The following PSME4 variants were observed in gnomAD, a reference collection of about 807,000 sequenced individuals.
The protein encoded by PSME4 is proteasome activator complex subunit 4.
Under a neutral mutation model 253.9 loss-of-function variants are expected in PSME4, and 89 were observed. That is an observed-to-expected ratio of 0.35 (90% CI 0.30 to 0.42). PSME4 has a LOEUF of 0.42. Ranked by LOEUF, PSME4 falls within the 10% of genes least tolerant of loss-of-function variation. The pLI, the probability that PSME4 is intolerant of heterozygous loss-of-function variation, is 1.00. For synonymous variants in PSME4, 851 were observed against 759.2 expected (o/e 1.12, Z -1.99); for missense variants, 2,014 against 2,195.2 (o/e 0.92, Z 1.65).
At chr2:53,952,998 A>C (rs1168791757) in intron 1 of PSME4, among the ~76,000 whole-genome samples, 1 of 152,222 alleles carries the variant, frequency 6.6e-6, no homozygotes, top group Non-Finnish European at 1.5e-5. Flanking sequence ...ACATAAAATT[A>C]ACAAAGCTCA....
At chr2:53,932,196 A>T (rs189597250) in intron 9 of PSME4, 96 bp from the exon 10 acceptor site, 2 of 1,157,978 alleles carry the variant, frequency 1.7e-6, no homozygotes, top group African/African-American at 3.1e-5. Flanking sequence ...GATTTTAAAA[A>T]TAACAGTTCT....
chr2:53,873,130 C>G (rs1241647393), intron 43 of PSME4, among the ~76,000 whole-genome samples: 1 of 151,070 alleles, frequency 6.6e-6, no homozygotes, highest in Admixed American at 6.6e-5. Flanking sequence ...GTCCCAGCTA[C>G]TTGGGATGGC....
intron 41 of PSME4, among the ~76,000 whole-genome samples, chr2:53,883,274 A>C (rs1679479776): frequency 6.6e-6 from 1 of 152,178 alleles, no homozygotes; most frequent in Non-Finnish European, 1.5e-5. Flanking sequence ...AGCACTTTGG[A>C]AGGCTACGGT....
intron 34 of PSME4, among the ~76,000 whole-genome samples, chr2:53,894,744 C>A (rs1165778245): frequency 6.6e-6 from 1 of 152,122 alleles, no homozygotes; most frequent in Non-Finnish European, 1.5e-5. Flanking sequence ...AAATGAGCAG[C>A]AAATTACATA....
chr2:53,928,646 C>T (rs538416906), intron 10 of PSME4, among the ~76,000 whole-genome samples: 27 of 152,196 alleles, frequency 1.8e-4, no homozygotes, highest in African/African-American at 6.3e-4. Context: ...ATTAAACTAT[C>T]ACAGGTATGC....
chr2:53,943,875 A>G (rs1669576839), intron 3 of PSME4, among the ~76,000 whole-genome samples: 1 of 151,806 alleles, frequency 6.6e-6, no homozygotes, highest in African/African-American at 2.4e-5. Context: ...AAAGGTATAA[A>G]TAATAAGTAT....
At chr2:53,917,574 C>T (rs1668115890) in intron 20 of PSME4, among the ~76,000 whole-genome samples, 2 of 152,224 alleles carry the variant, frequency 1.3e-5, no homozygotes, top group African/African-American at 4.8e-5. Flanking sequence ...AATGATTACT[C>T]AGTACTAAAA....
chr2:53,922,603 T>A lies in PSME4; in HGVS notation c.1979-19A>T. ...TCATCATCTAAAAACAGCAAAATAC[T>A]ATTAGGGGGAAAAACCTATGCATTC... On this transcript the variant is annotated intron_variant, in intron 16 of 46. Transcript: ENST00000404125. 1 of 1,607,068 alleles carries A rather than the reference T, an allele frequency of 6.2e-7. No homozygotes were observed. Among genetic ancestry groups the A allele is most frequent in the Non-Finnish European group, 8.5e-7 (1 of 1,177,354 alleles).
Position 53,949,280 on chromosome 2 carries a change from A to G in PSME4, c.246T>C (p.Tyr82=), listed in dbSNP as rs1669862566. 6 of 1,581,678 alleles carry G rather than the reference A, an allele frequency of 3.8e-6. No homozygotes were observed. In the East Asian group the frequency reaches 1.1e-4, roughly 30 times the overall value. The change falls in exon 2 of 47, where the codon TAT becomes TAC. Residue 82 remains tyrosine (Y), a synonymous_variant. Coordinates refer to ENST00000404125, the MANE Select transcript of PSME4 (RefSeq NM_014614.3). ...GLFWTRKLST[Y]IRLYGRKFSK... ...TAAATTTTCTCCCATAAAGTCGAAT[A>G]TATCTGCAAGAGAAAAATAGATATA...
chr2:53,899,608 A>G (rs970252738), intron 29 of PSME4, among the ~76,000 whole-genome samples: 1 of 151,852 alleles, frequency 6.6e-6, no homozygotes, highest in Non-Finnish European at 1.5e-5. Flanking sequence ...ACTTGAGGCC[A>G]GGAGTTCGAG....
intron 20 of PSME4, among the ~76,000 whole-genome samples, chr2:53,918,654 T>C (rs769807386): frequency 1.3e-5 from 2 of 152,158 alleles, no homozygotes; most frequent in Non-Finnish European, 2.9e-5. Flanking sequence ...TCACCTTAAA[T>C]GGCGGAGCTA....
In PSME4 at chr2:53,936,214, T is replaced by C. The variant is rs963847267; in HGVS notation, c.760-53A>G. On this transcript the variant is annotated intron_variant, in intron 6 of 46. Transcript: ENST00000404125. ...AATATATTTGTTGTTATTGTTTAAG[T>C]GTCATAGTCACACCCCTCCTCCATT... 5 of 1,606,466 alleles carry C rather than the reference T, an allele frequency of 3.1e-6. No individual in the cohort carries two copies. In the African/African-American group the frequency reaches 6.7e-5, roughly 22 times the overall value.
At chr2:53,955,830 G>A (rs184596958) in intron 1 of PSME4, among the ~76,000 whole-genome samples, 2 of 152,268 alleles carry the variant, frequency 1.3e-5, no homozygotes, top group East Asian at 1.9e-4. Flanking sequence ...GCTGAGGTGG[G>A]AAGATTGGTG....
chr2:53,897,171 T>G (rs1257117580), intron 31 of PSME4, among the ~76,000 whole-genome samples: 8 of 150,408 alleles, frequency 5.3e-5, no homozygotes, highest in Non-Finnish European at 1.0e-4. Flanking sequence ...CTCAGGGTTT[T>G]TTTTTTTTTT....
intron 3 of PSME4, 52 bp from the exon 4 acceptor site, chr2:53,940,052 T>A (rs780506026): frequency 3.9e-6 from 5 of 1,297,942 alleles, no homozygotes; most frequent in Admixed American, 2.1e-5. Context: ...TAAGAACATA[T>A]CTAATTCAAT....
intron 44 of PSME4, among the ~76,000 whole-genome samples, chr2:53,868,942 C>T (rs769372286): frequency 6.6e-6 from 1 of 152,078 alleles, no homozygotes; most frequent in African/African-American, 2.4e-5. Context: ...TGACTCCGCA[C>T]CCTCTCACCA....
At chr2:53,955,230 GA>G (rs900069376) in intron 1 of PSME4, among the ~76,000 whole-genome samples, 3 of 151,946 alleles carry the variant, frequency 2.0e-5, no homozygotes, top group African/African-American at 7.2e-5. Flanking sequence ...AAAATTTCCT[GA>G]AAAAAAATCT....
intron 5 of PSME4, 104 bp from the exon 6 acceptor site, chr2:53,936,931 C>T (rs77568759): frequency 0.014 from 10,521 of 731,684 alleles, 115 homozygotes; most frequent in Non-Finnish European, 0.018. Flanking sequence ...CTGATAACTA[C>T]GTTAACTAGA....
At chr2:53,897,392 C>T (rs567788224) in intron 31 of PSME4, among the ~76,000 whole-genome samples, 1 of 152,218 alleles carries the variant, frequency 6.6e-6, no homozygotes, top group Admixed American at 6.5e-5. Flanking sequence ...TGGTCTTGAA[C>T]TCCTGACCTC....
Sources: gnomAD v4.1 joint callset for allele counts (sites outside exome capture counted in the v4.1 genomes callset) on GRCh38, gnomAD v4.1.1 for gene constraint, MANE v1.5 for transcripts, NCBI Gene and HGNC (gene_info 2026-07-23, HGNC 2026-07-21) for gene names.